The following QNG1 variants were observed in gnomAD, a reference collection of about 807,000 sequenced individuals.
QNG1 encodes the protein queuosine 5'-phosphate N-glycosylase/hydrolase.
At chr9:83,956,529 C>A in the QNG1 span, 2 of 1,509,346 alleles carry the variant, frequency 1.3e-6, no homozygotes, top group Non-Finnish European at 1.8e-6. Flanking sequence ...GCGGGCCAAA[C>A]TCTTCCCGCC....
At chr9:83,939,491 G>T in the QNG1 span, 3 of 1,524,534 alleles carry the variant, frequency 2.0e-6, no homozygotes, top group Middle Eastern at 1.7e-4. Flanking sequence ...GGTTTTCTTT[G>T]GATCAGTTTA....
the QNG1 span, chr9:83,956,530 T>C: frequency 6.6e-7 from 1 of 1,509,254 alleles, no homozygotes; most frequent in Non-Finnish European, 8.9e-7. Context: ...CGGGCCAAAC[T>C]CTTCCCGCCC....
the QNG1 span, among the ~76,000 whole-genome samples, chr9:83,947,358 T>G: frequency 6.6e-6 from 1 of 152,136 alleles, no homozygotes; most frequent in Non-Finnish European, 1.5e-5. Flanking sequence ...ATTCTTTTAT[T>G]TACTAAGAAA....
the QNG1 span, among the ~76,000 whole-genome samples, chr9:83,955,851 G>C: frequency 6.6e-6 from 1 of 152,152 alleles, no homozygotes; most frequent in East Asian, 1.9e-4. Flanking sequence ...TATTACATCA[G>C]ATGTATTCTG....
At chr9:83,955,055 C>T in the QNG1 span, among the ~76,000 whole-genome samples, 4 of 151,630 alleles carry the variant, frequency 2.6e-5, no homozygotes, top group East Asian at 3.9e-4. Context: ...TAAAATTAGC[C>T]GGGCTTGGTG....
the QNG1 span, among the ~76,000 whole-genome samples, chr9:83,952,230 T>C: frequency 2.0e-5 from 3 of 152,172 alleles, no homozygotes; most frequent in Non-Finnish European, 4.4e-5. Flanking sequence ...GCAATCCTCT[T>C]ACCTCAGCCA....
At chr9:83,949,094 C>G in the QNG1 span, among the ~76,000 whole-genome samples, 1 of 139,812 alleles carries the variant, frequency 7.2e-6, no homozygotes, top group African/African-American at 2.7e-5. Context: ...TCAATAAATA[C>G]TAAAAAAAAA....
the QNG1 span, among the ~76,000 whole-genome samples, chr9:83,939,947 A>G: frequency 6.6e-6 from 1 of 152,214 alleles, no homozygotes; most frequent in Non-Finnish European, 1.5e-5. Context: ...GACAGGGGCC[A>G]TATCTGGCTT....
chr9:83,952,241 C>T, the QNG1 span, among the ~76,000 whole-genome samples: 5,023 of 152,288 alleles, frequency 0.033, 259 homozygotes, highest in African/African-American at 0.11. Flanking sequence ...ACCTCAGCCA[C>T]CCAATGTGTT....
the QNG1 span, among the ~76,000 whole-genome samples, chr9:83,945,521 T>C: frequency 1.3e-5 from 2 of 152,310 alleles, no homozygotes; most frequent in Middle Eastern, 3.4e-3. Flanking sequence ...ATACAATTTA[T>C]GTAATCTTGA....
the QNG1 span, among the ~76,000 whole-genome samples, chr9:83,951,310 C>T: frequency 3.9e-5 from 6 of 152,120 alleles, no homozygotes; most frequent in South Asian, 1.2e-3. Context: ...CCTGTAATCC[C>T]AACACTTTGG....
the QNG1 span, among the ~76,000 whole-genome samples, chr9:83,946,905 T>A: frequency 4.3e-4 from 62 of 143,248 alleles, no homozygotes; most frequent in African/African-American, 1.5e-3. Context: ...GGCCTACAAA[T>A]TTTTTTTTTT....
At chr9:83,956,000 C>A in the QNG1 span, among the ~76,000 whole-genome samples, 2,428 of 152,086 alleles carry the variant, frequency 0.016, 79 homozygotes, top group African/African-American at 0.056. Context: ...CTAAAATATG[C>A]CCCTTTTCAT....
the QNG1 span, chr9:83,944,728 G>A: frequency 3.9e-6 from 5 of 1,289,306 alleles, no homozygotes; most frequent in Non-Finnish European, 5.4e-6. Flanking sequence ...GAGACCTTTT[G>A]TAAAAGAAAC....
chr9:83,956,506 C>G, the QNG1 span: 3 of 1,518,276 alleles, frequency 2.0e-6, no homozygotes, highest in African/African-American at 1.4e-5. Flanking sequence ...TCCATTCTGC[C>G]CTTTGGGACC....
the QNG1 span, chr9:83,955,362 C>T: frequency 6.2e-7 from 1 of 1,606,284 alleles, no homozygotes; most frequent in Non-Finnish European, 8.5e-7. Context: ...TTCTAAAATC[C>T]CCAACAGAAG....
the QNG1 span, chr9:83,956,683 T>A: frequency 2.0e-6 from 1 of 493,116 alleles, no homozygotes; most frequent in African/African-American, 2.0e-5. Flanking sequence ...GGCGTTGCCC[T>A]GATTAGGAAA....
At chr9:83,956,438 C>T in the QNG1 span, 388 of 1,554,616 alleles carry the variant, frequency 2.5e-4, no homozygotes, top group Non-Finnish European at 3.3e-4. Flanking sequence ...TGTCAATAAA[C>T]ACATCCCGAC....
chr9:83,949,503 G>A, the QNG1 span, among the ~76,000 whole-genome samples: 7 of 152,188 alleles, frequency 4.6e-5, no homozygotes, highest in Non-Finnish European at 7.4e-5. Context: ...AAAATTAGCC[G>A]GGCATGGTGG....
Sources: allele counts gnomAD v4.1 joint callset (sites outside exome capture counted in the v4.1 genomes callset), GRCh38; gene constraint gnomAD v4.1.1; transcripts MANE v1.5; gene names NCBI Gene and HGNC (gene_info 2026-07-23, HGNC 2026-07-21).